RFX3: variants seen among roughly 807,000 people sequenced by gnomAD.
The protein encoded by RFX3 is regulatory factor X3, also known as transcription factor RFX3.
A neutral mutation model predicts 98.6 loss-of-function variants in RFX3; 14 were observed. The ratio of observed to expected loss-of-function variants is 0.14; its 90% confidence interval spans 0.09 to 0.22. The LOEUF is 0.22. RFX3 is among the 10% of genes least tolerant of loss of function. The pLI, the probability that RFX3 is intolerant of heterozygous loss-of-function variation, is 1.00. For missense variants in RFX3, 639 were observed against 926.9 expected (o/e 0.69, Z 4.03); for synonymous variants, 383 against 328.4 (o/e 1.17, Z -1.80).
At chr9:3,231,705 C>G (rs992907664) in intron 15 of RFX3, among the ~76,000 whole-genome samples, 2 of 151,926 alleles carry the variant, frequency 1.3e-5, no homozygotes, top group Admixed American at 6.5e-5. Context: ...AGATTGAGAG[C>G]AGGCAGAAGA....
At chr9:3,339,907 A>T (rs1199777289) in intron 3 of RFX3, among the ~76,000 whole-genome samples, 1 of 152,046 alleles carries the variant, frequency 6.6e-6, no homozygotes, top group Admixed American at 6.5e-5. Context: ...AACTACTTTA[A>T]AGTTCATATG....
intron 3 of RFX3, among the ~76,000 whole-genome samples, chr9:3,345,711 GT>G (rs1041650393): frequency 2.7e-4 from 41 of 152,050 alleles, no homozygotes; most frequent in African/African-American, 9.4e-4. Context: ...CCAGAATTCT[GT>G]TTTTAGTTAT....
intron 1 of RFX3, among the ~76,000 whole-genome samples, chr9:3,430,923 A>G (rs988093572): frequency 2.0e-5 from 3 of 152,226 alleles, no homozygotes; most frequent in Non-Finnish European, 4.4e-5. Flanking sequence ...AAATATATAT[A>G]AATCCATTAT....
At chr9:3,318,702 G>A (rs1487224909) in intron 4 of RFX3, among the ~76,000 whole-genome samples, 1 of 151,986 alleles carries the variant, frequency 6.6e-6, no homozygotes, top group African/African-American at 2.4e-5. Context: ...ATAATTTTAT[G>A]ACGTCTAGAG....
At chr9:3,522,650 C>G (rs1026570033) in intron 1 of RFX3, among the ~76,000 whole-genome samples, 22 of 151,960 alleles carry the variant, frequency 1.4e-4, no homozygotes, top group African/African-American at 4.4e-4. Flanking sequence ...CACACACACA[C>G]AGACTTTAAA....
At position 3,301,521 on chromosome 9, in the gene RFX3, T is replaced by A. The variant is rs567739342; in HGVS notation, c.549+25A>T. 1.8e-5 allele frequency: 27 copies of A among 1,507,502 alleles called. No homozygotes were observed. The African/African-American group carries it at 2.9e-4, about 16-fold the overall frequency. The allele number at this position is 1,507,502 out of a possible 1,614,324, so 93.4% of individuals were successfully genotyped here. A position where few individuals can be genotyped will look rare whatever the true frequency, so the allele number is the denominator to read the frequency against. On this transcript the variant is annotated intron_variant, in intron 5 of 16. Transcript: ENST00000617270. ...ACATGCAGAACAAGCAAGAGATTAG[T>A]GTACATGAAGAAGAGGCAACTTACA...
chr9:3,377,384 A>G (rs1838663849), intron 2 of RFX3, among the ~76,000 whole-genome samples: 1 of 152,146 alleles, frequency 6.6e-6, no homozygotes, highest in Non-Finnish European at 1.5e-5. Context: ...CATAGGTGGG[A>G]ATTGAACAAT....
intron 15 of RFX3, among the ~76,000 whole-genome samples, chr9:3,246,587 A>G (rs1820709632): frequency 6.6e-6 from 1 of 152,218 alleles, no homozygotes. Context: ...CTAAAAGGCA[A>G]GGTCCATTTC....
rs563562123 is a variant in RFX3 at position 3,366,511 on chromosome 9, C to T, written c.118-19747G>A. On this transcript the variant is annotated intron_variant, in intron 2 of 16. Transcript: ENST00000617270. The stretch of plus-strand genomic sequence containing the variant: ...AAGTTTTCATTTATACAGTGATGTG[C>T]TTATTTATTCCTGGTCTGATATCAC... Among the ~76,000 whole-genome samples the T allele has an allele frequency of 5.3e-5, 8 of 152,216 alleles. No homozygotes were observed. The South Asian group carries it at 1.7e-3, about 32-fold the overall frequency.
chr9:3,316,295 T>C (rs1830578287), intron 4 of RFX3, among the ~76,000 whole-genome samples: 1 of 152,210 alleles, frequency 6.6e-6, no homozygotes. Context: ...TCTCAATAGA[T>C]GCAGAAAACG....
intron 7 of RFX3, among the ~76,000 whole-genome samples, chr9:3,279,139 A>G (rs1825612145): frequency 6.6e-6 from 1 of 151,840 alleles, no homozygotes; most frequent in Non-Finnish European, 1.5e-5. Flanking sequence ...GAGGCAAAAA[A>G]GCACTTTGTG....
intron 5 of RFX3, among the ~76,000 whole-genome samples, chr9:3,293,585 G>C (rs939249269): frequency 5.9e-5 from 9 of 152,002 alleles, no homozygotes; most frequent in African/African-American, 1.7e-4. Flanking sequence ...CCGTTAACTG[G>C]TCATAAATAT....
At chr9:3,344,896 G>A in intron 3 of RFX3, 1 of 701,622 alleles carries the variant, frequency 1.4e-6, no homozygotes. Context: ...CAACAAATAA[G>A]TAGAGTGAAA....
rs1407753504 is a variant in RFX3, at chr9:3,219,899, C to T, written c.*5143G>A. The T allele has an allele frequency of 6.6e-6, 1 of 152,176 alleles. No individual in the cohort carries two copies. The highest frequency in any genetic ancestry group is 1.9e-4 in the East Asian group (1 of 5,196). 9.4% of individuals were successfully genotyped at this position (152,176 alleles called of 1,614,324 possible). On this transcript the variant is annotated 3_prime_UTR_variant, in exon 17 of 17. Transcript: ENST00000617270. The stretch of plus-strand genomic sequence containing the variant: ...AATAGGTTACACTCTTATTTGCACC[C>T]AGCTAGGGCAGCGCAAGCACATCTG...
At chr9:3,432,882 G>A (rs913178362) in intron 1 of RFX3, among the ~76,000 whole-genome samples, 16 of 152,140 alleles carry the variant, frequency 1.1e-4, no homozygotes, top group African/African-American at 3.6e-4. Context: ...GGTTGGTACT[G>A]TAAAGAAACA....
intron 1 of RFX3, among the ~76,000 whole-genome samples, chr9:3,500,648 T>C (rs1380646158): frequency 6.6e-6 from 1 of 152,170 alleles, no homozygotes; most frequent in Non-Finnish European, 1.5e-5. Context: ...GGGCCTAATG[T>C]ATGAAAACCT....
chr9:3,400,437 C>G (rs1220599744), intron 1 of RFX3, among the ~76,000 whole-genome samples: 3 of 152,198 alleles, frequency 2.0e-5, no homozygotes, highest in Non-Finnish European at 1.5e-5. Context: ...TCCTGCACAA[C>G]CAAGTATCCC....
At chr9:3,474,731 G>A (rs534672611) in intron 1 of RFX3, among the ~76,000 whole-genome samples, 2 of 152,214 alleles carry the variant, frequency 1.3e-5, no homozygotes, top group South Asian at 4.1e-4. Context: ...ATCTTTAAAA[G>A]AATCAAAGAC....
chr9:3,462,241 G>A (rs185246057), intron 1 of RFX3, among the ~76,000 whole-genome samples: 55 of 151,872 alleles, frequency 3.6e-4, no homozygotes, highest in Admixed American at 9.8e-4. Flanking sequence ...TGACAAAATG[G>A]GATTTATTCC....
Sources: allele counts gnomAD v4.1 joint callset (sites outside exome capture counted in the v4.1 genomes callset), GRCh38; gene constraint gnomAD v4.1.1; transcripts MANE v1.5; gene names NCBI Gene and HGNC (gene_info 2026-07-23, HGNC 2026-07-21).